Variants in BNC2 observed in about 807,000 individuals in gnomAD.
The protein encoded by BNC2 is zinc finger protein basonuclin-2.
BNC2 carries 20 observed loss-of-function variants against 76.3 expected under a neutral mutation model. The observed-to-expected ratio is 0.26, with a 90% CI of 0.18 to 0.38. The LOEUF (loss-of-function observed/expected upper bound fraction) is 0.38, where lower values mean the gene tolerates loss of function less well. BNC2 is among the 10% of genes least tolerant of loss of function. BNC2 has a pLI of 1.00. For synonymous variants in BNC2, 582 were observed against 514.8 expected, an observed-to-expected ratio of 1.13 and a Z score of -1.77; for missense variants, 1,382 against 1,399.8, an observed-to-expected ratio of 0.99 and a Z score of 0.20.
At chr9:16,867,134 A>T (rs1819562166) in intron 1 of BNC2, among the ~76,000 whole-genome samples, 1 of 152,154 alleles carries the variant, frequency 6.6e-6, no homozygotes, top group Admixed American at 6.5e-5. Context: ...AAAAAACAAC[A>T]ACATGTATGA....
chr9:16,562,175 C>T (rs1217287773), intron 4 of BNC2, among the ~76,000 whole-genome samples: 1 of 152,132 alleles, frequency 6.6e-6, no homozygotes, highest in Non-Finnish European at 1.5e-5. Context: ...CTCTTACATT[C>T]TTATCTATTT....
At chr9:16,514,500 A>T (rs1361684945) in intron 5 of BNC2, among the ~76,000 whole-genome samples, 2 of 127,004 alleles carry the variant, frequency 1.6e-5, no homozygotes, top group Non-Finnish European at 3.0e-5. Context: ...ATTTTTTTTT[A>T]AAAAGGGGGG....
intron 1 of BNC2, among the ~76,000 whole-genome samples, chr9:16,765,787 T>C (rs867366298): frequency 0.11 from 16,926 of 148,724 alleles, 1,288 homozygotes; most frequent in Admixed American, 0.2. Flanking sequence ...TCGTAATTTT[T>C]TTTTTTTTTT....
intron 3 of BNC2, among the ~76,000 whole-genome samples, chr9:16,585,650 T>G (rs894555828): frequency 6.6e-6 from 1 of 152,190 alleles, no homozygotes; most frequent in African/African-American, 2.4e-5. Flanking sequence ...GACATACTAT[T>G]TATTCACAAC....
intron 5 of BNC2, among the ~76,000 whole-genome samples, chr9:16,476,894 A>G (rs1821939737): frequency 6.6e-6 from 1 of 152,186 alleles, no homozygotes; most frequent in Admixed American, 6.5e-5. Flanking sequence ...AAATTGTCCA[A>G]TTTGTGGGTT....
chr9:16,652,768 A>G (rs1349087833), intron 3 of BNC2, among the ~76,000 whole-genome samples: 1 of 152,186 alleles, frequency 6.6e-6, no homozygotes, highest in East Asian at 1.9e-4. Flanking sequence ...GCATGCAACA[A>G]CATTCCTAAA....
chr9:16,496,322 A>T (rs1001878975), intron 5 of BNC2, among the ~76,000 whole-genome samples: 2 of 152,194 alleles, frequency 1.3e-5, no homozygotes, highest in Non-Finnish European at 2.9e-5. Context: ...TAAGATAAAG[A>T]ATTCGGAGTC....
intron 1 of BNC2, among the ~76,000 whole-genome samples, chr9:16,784,509 CAAAAGAGTGTCA>C (rs549705704): frequency 1.1e-4 from 16 of 152,030 alleles, no homozygotes; most frequent in Non-Finnish European, 2.2e-4. Context: ...GACACAATAT[CAAAAGAGTGTCA>C]GAAAGAGATG....
chr9:16,699,522 G>C (rs1303524553), intron 3 of BNC2, among the ~76,000 whole-genome samples: 3 of 152,172 alleles, frequency 2.0e-5, no homozygotes, highest in African/African-American at 7.2e-5. Flanking sequence ...TTTTAAACTA[G>C]TAATTGAAAA....
intron 1 of BNC2, among the ~76,000 whole-genome samples, chr9:16,814,905 A>G (rs1818144518): frequency 1.3e-5 from 2 of 152,178 alleles, no homozygotes; most frequent in African/African-American, 4.8e-5. Context: ...AGATAATGTT[A>G]TTCACTTTAC....
chr9:16,479,787 C>T (rs1405178882), intron 5 of BNC2, among the ~76,000 whole-genome samples: 1 of 151,992 alleles, frequency 6.6e-6, no homozygotes, highest in East Asian at 1.9e-4. Flanking sequence ...TCTTTATGCA[C>T]GTTGGGTAAA....
At chr9:16,463,738 C>G (rs2131277407) in intron 5 of BNC2, among the ~76,000 whole-genome samples, 1 of 152,024 alleles carries the variant, frequency 6.6e-6, no homozygotes. Flanking sequence ...ATTCCTCCTC[C>G]AACTACAAAA....
At position 16,529,228 on chromosome 9, in the gene BNC2, C is replaced by A. The variant is rs528775350; in HGVS notation, c.669+23302G>T. 1.2e-4 allele frequency among the ~76,000 whole-genome samples: 18 copies of A among 152,294 alleles called. No homozygotes were observed. The South Asian group carries it at 2.9e-3, about 25-fold the overall frequency. The stretch of plus-strand genomic sequence containing the variant: ...TTTTTTCCAAATAAGGTACCATTCA[C>A]AGGCTCCAGGGATTTGACATGGATA... On this transcript the variant is annotated intron_variant, in intron 5 of 6. Transcript: ENST00000380672.
intron 3 of BNC2, among the ~76,000 whole-genome samples, chr9:16,715,479 A>T (rs1382807322): frequency 1.3e-5 from 2 of 152,240 alleles, no homozygotes; most frequent in Non-Finnish European, 2.9e-5. Context: ...TCTAAAACAG[A>T]GGTTTCTATC....
chr9:16,754,000 C>T (rs1825301167), intron 1 of BNC2, among the ~76,000 whole-genome samples: 1 of 152,190 alleles, frequency 6.6e-6, no homozygotes, highest in South Asian at 2.1e-4. Context: ...TCCATGGCTC[C>T]AGCCCAGATG....
chr9:16,865,078 G>C (rs1819511256), intron 1 of BNC2, among the ~76,000 whole-genome samples: 1 of 151,584 alleles, frequency 6.6e-6, no homozygotes, highest in African/African-American at 2.4e-5. Context: ...TTTCAGCATG[G>C]GGCACTTTGG....
intron 1 of BNC2, among the ~76,000 whole-genome samples, chr9:16,751,263 G>C (rs1357134405): frequency 9.1e-6 from 1 of 109,446 alleles, no homozygotes; most frequent in Admixed American, 8.2e-5. Context: ...ATTGAAAATG[G>C]TTTAAAAAAA....
Position 16,552,825 on chromosome 9 carries a change from G to C in BNC2, c.434-60C>G, listed in dbSNP as rs1186340076. 1.1e-5 allele frequency: 15 copies of C among 1,369,370 alleles called. No individual in the cohort carries two copies. In the Admixed American group the frequency reaches 1.5e-4, roughly 14 times the overall value. 84.8% of individuals were successfully genotyped at this position (1,369,370 alleles called of 1,614,324 possible). On this transcript the variant is annotated intron_variant, in intron 4 of 6. Transcript: ENST00000380672. ...GTGTTGGGAATAAGATAAAGAGAGA[G>C]AACAGGAGTTAGAAATATTGCTGGA...
At chr9:16,813,006 G>C (rs1818090422) in intron 1 of BNC2, among the ~76,000 whole-genome samples, 1 of 151,866 alleles carries the variant, frequency 6.6e-6, no homozygotes, top group African/African-American at 2.4e-5. Context: ...GTCAAGAGTT[G>C]GAGACCAGCC....
Sources: allele counts gnomAD v4.1 joint callset (sites outside exome capture counted in the v4.1 genomes callset), GRCh38; gene constraint gnomAD v4.1.1; transcripts MANE v1.5; gene names NCBI Gene and HGNC (gene_info 2026-07-23, HGNC 2026-07-21).